DUSP16: variants seen among roughly 807,000 people sequenced by gnomAD.
DUSP16 encodes the protein dual specificity phosphatase 16.
DUSP16 carries 21 observed loss-of-function variants against 58.3 expected under a neutral mutation model. The observed-to-expected ratio is 0.36, with a 90% confidence interval of 0.26 to 0.52. The LOEUF (loss-of-function observed/expected upper bound fraction) is 0.52, where lower values mean the gene tolerates loss of function less well. Among genes scored for constraint, DUSP16 ranks in the 20% least tolerant of loss-of-function variants. The pLI is 0.94. For synonymous variants in DUSP16, 320 were observed against 323.8 expected (o/e 0.99, Z 0.12); for missense variants, 726 against 819.0 (o/e 0.89, Z 1.39).
intron 5 of DUSP16, among the ~76,000 whole-genome samples, chr12:12,483,560 TACAG>T (rs990225520): frequency 4.6e-5 from 7 of 152,152 alleles, no homozygotes; most frequent in Non-Finnish European, 7.3e-5. Context: ...AGGACTCAAA[TACAG>T]ACAGTTTGCC....
At chr12:12,550,227 G>A (rs988046990) in intron 1 of DUSP16, among the ~76,000 whole-genome samples, 5 of 151,364 alleles carry the variant, frequency 3.3e-5, no homozygotes, top group African/African-American at 9.7e-5. Context: ...GAGCCAAGAC[G>A]GCGCCATTGC....
At chr12:12,483,970 A>G (rs1243645261) in intron 5 of DUSP16, among the ~76,000 whole-genome samples, 1 of 151,822 alleles carries the variant, frequency 6.6e-6, no homozygotes, top group Admixed American at 6.6e-5. Flanking sequence ...AAGTATAATA[A>G]TAAATAAAAA....
chr12:12,535,889 G>A (rs986952788), intron 1 of DUSP16, among the ~76,000 whole-genome samples: 1 of 152,198 alleles, frequency 6.6e-6, no homozygotes, highest in Non-Finnish European at 1.5e-5. Context: ...CTGTATGCAG[G>A]CTTTCCTGGC....
chr12:12,506,464 G>C (rs539657535), intron 3 of DUSP16, among the ~76,000 whole-genome samples: 2 of 152,280 alleles, frequency 1.3e-5, no homozygotes, highest in East Asian at 3.9e-4. Context: ...AAACTGATAA[G>C]CTTCTTGAAA....
intron 3 of DUSP16, among the ~76,000 whole-genome samples, chr12:12,517,403 T>C (rs1944169424): frequency 6.6e-6 from 1 of 152,132 alleles, no homozygotes; most frequent in African/African-American, 2.4e-5. Context: ...CTAGGGTGCT[T>C]TTCAGTTATT....
intron 4 of DUSP16, among the ~76,000 whole-genome samples, chr12:12,498,519 A>G (rs1022642902): frequency 3.3e-5 from 5 of 151,968 alleles, no homozygotes; most frequent in African/African-American, 1.2e-4. Context: ...AGCTCAAGCA[A>G]TCCTCCCACC....
At chr12:12,552,367 A>G (rs545134797) in intron 1 of DUSP16, among the ~76,000 whole-genome samples, 2 of 151,918 alleles carry the variant, frequency 1.3e-5, no homozygotes, top group Non-Finnish European at 2.9e-5. Context: ...AATCACTTGA[A>G]CCCGGGAGGC....
chr12:12,500,338 A>G (rs1943890460), intron 4 of DUSP16, among the ~76,000 whole-genome samples, 181 bp downstream of exon 4: 1 of 152,198 alleles, frequency 6.6e-6, no homozygotes, highest in Non-Finnish European at 1.5e-5. Flanking sequence ...CCTGCAGTAA[A>G]AAGTAACATC....
intron 5 of DUSP16, among the ~76,000 whole-genome samples, chr12:12,481,923 A>G (rs992085652): frequency 2.0e-5 from 3 of 152,178 alleles, no homozygotes; most frequent in Non-Finnish European, 2.9e-5. Context: ...CTCAATTTCA[A>G]TAAGAAGTAG....
chr12:12,544,864 G>A (rs754168668), intron 1 of DUSP16, among the ~76,000 whole-genome samples: 2 of 152,142 alleles, frequency 1.3e-5, no homozygotes, highest in African/African-American at 4.8e-5. Flanking sequence ...GGCAATTGAC[G>A]TAGGATCATT....
At chr12:12,558,761 C>T (rs1447385978) in intron 1 of DUSP16, among the ~76,000 whole-genome samples, 1 of 147,300 alleles carries the variant, frequency 6.8e-6, no homozygotes, top group Non-Finnish European at 1.5e-5. Flanking sequence ...TCAAGAAGGG[C>T]GTGAAGTTTC....
chr12:12,551,430 T>C (rs1008187951), intron 1 of DUSP16, among the ~76,000 whole-genome samples: 44 of 146,554 alleles, frequency 3.0e-4, no homozygotes, highest in Non-Finnish European at 7.4e-5. Flanking sequence ...ACCACTGTAC[T>C]CTAGCCTGGG....
chr12:12,545,012 T>C (rs1293627534), intron 1 of DUSP16, among the ~76,000 whole-genome samples: 1 of 152,202 alleles, frequency 6.6e-6, no homozygotes, highest in Non-Finnish European at 1.5e-5. Flanking sequence ...TATTCAATAG[T>C]GTGAATCCTA....
At chr12:12,480,686 T>C (rs1373787266) in intron 5 of DUSP16, among the ~76,000 whole-genome samples, 1 of 152,224 alleles carries the variant, frequency 6.6e-6, no homozygotes, top group African/African-American at 2.4e-5. Context: ...ACTTCAAATT[T>C]TTCCCTGATT....
intron 1 of DUSP16, among the ~76,000 whole-genome samples, chr12:12,533,572 A>G (rs1944422815): frequency 6.6e-6 from 1 of 152,132 alleles, no homozygotes; most frequent in African/African-American, 2.4e-5. Flanking sequence ...GAGCTACAAA[A>G]ACTCTAAAAT....
chr12:12,512,334 G>T (rs181959455), intron 3 of DUSP16, among the ~76,000 whole-genome samples: 1 of 152,078 alleles, frequency 6.6e-6, no homozygotes, highest in African/African-American at 2.4e-5. Flanking sequence ...TTTTGTTGTG[G>T]TGAGAACACT....
intron 1 of DUSP16, among the ~76,000 whole-genome samples, chr12:12,526,669 G>C (rs139166097): frequency 2.0e-5 from 3 of 151,902 alleles, no homozygotes; most frequent in Non-Finnish European, 4.4e-5. Flanking sequence ...TTATTTTTAC[G>C]TGATTATATT....
intron 1 of DUSP16, among the ~76,000 whole-genome samples, chr12:12,552,471 A>G (rs1566058906): frequency 6.6e-6 from 1 of 152,074 alleles, no homozygotes; most frequent in Admixed American, 6.6e-5. Flanking sequence ...AATAAAAAGC[A>G]TTTACCAATT....
chr12:12,496,338 T>C (rs925316505), intron 4 of DUSP16, among the ~76,000 whole-genome samples: 1 of 152,250 alleles, frequency 6.6e-6, no homozygotes, highest in African/African-American at 2.4e-5. Flanking sequence ...ATATTGTGTT[T>C]AGGCTATTTG....
Sources: gnomAD v4.1 joint callset for allele counts (sites outside exome capture counted in the v4.1 genomes callset) on GRCh38, gnomAD v4.1.1 for gene constraint, MANE v1.5 for transcripts, NCBI Gene and HGNC (gene_info 2026-07-23, HGNC 2026-07-21) for gene names.